ELAVL4: variants seen among roughly 807,000 people sequenced by gnomAD.
ELAVL4 encodes ELAV-like protein 4.
A neutral mutation model predicts 35.6 loss-of-function variants in ELAVL4; 1 was observed. The ratio of observed to expected loss-of-function variants is 0.03; its 90% CI spans 0.01 to 0.13. ELAVL4 has a LOEUF of 0.13. Ranked by LOEUF, ELAVL4 falls within the 10% of genes least tolerant of loss-of-function variation. The probability of loss-of-function intolerance (pLI) is 1.00; values close to 1 mark genes in which losing one functional copy is unlikely to be tolerated. For missense variants in ELAVL4, 267 were observed against 464.9 expected, an observed-to-expected ratio of 0.57 and a Z score of 3.91; for synonymous variants, 156 against 171.0, an observed-to-expected ratio of 0.91 and a Z score of 0.69.
intron 1 of ELAVL4, among the ~76,000 whole-genome samples, chr1:50,084,365 T>C (rs941545272): frequency 2.0e-5 from 3 of 152,194 alleles, no homozygotes; most frequent in Non-Finnish European, 2.9e-5. Context: ...GTTTACAACA[T>C]TCTGTTTTCC....
At chr1:50,082,097 G>C (rs1027272684) in intron 1 of ELAVL4, among the ~76,000 whole-genome samples, 4 of 152,116 alleles carry the variant, frequency 2.6e-5, no homozygotes, top group Non-Finnish European at 5.9e-5. Context: ...CATTTGGGTT[G>C]GTTCCAAGTC....
intron 3 of ELAVL4, among the ~76,000 whole-genome samples, chr1:50,188,669 C>G (rs1003744010): frequency 6.6e-6 from 1 of 152,194 alleles, no homozygotes; most frequent in African/African-American, 2.4e-5. Context: ...GAGCCTGCCC[C>G]CATAAGACTG....
Position 50,162,875 on chromosome 1 carries a change from C to A in ELAVL4, c.251-14214C>A, listed in dbSNP as rs1677046422. Among the ~76,000 whole-genome samples the A allele has an allele frequency of 1.3e-5, 2 of 152,230 alleles. 1 individual carries two copies. The highest frequency in any genetic ancestry group is 4.1e-4 in the South Asian group (2 of 4,832). Reference sequence around the variant, plus strand: ...CCAGGATTACTGGCGTGAGCCACTGCACCCAGCCAGTCCTGTTTTTTTAAA... The same window carrying A: ...CCAGGATTACTGGCGTGAGCCACTGAACCCAGCCAGTCCTGTTTTTTTAAA... On this transcript the variant is annotated intron_variant, in intron 2 of 6. Coordinates refer to ENST00000371824, the MANE Select transcript of ELAVL4 (RefSeq NM_001144774.3).
intron 5 of ELAVL4, 74 bp downstream of exon 5, chr1:50,195,860 T>C: frequency 6.5e-7 from 1 of 1,545,504 alleles, no homozygotes; most frequent in Non-Finnish European, 8.9e-7. Flanking sequence ...AAGCCCATGG[T>C]CCTGACAAAT....
upstream of ELAVL4, among the ~76,000 whole-genome samples, chr1:50,102,816 C>T (rs1666060304): frequency 6.6e-6 from 1 of 152,162 alleles, no homozygotes; most frequent in African/African-American, 2.4e-5. Context: ...TGTGTTTTCA[C>T]ATTGACCCTG....
upstream of ELAVL4, among the ~76,000 whole-genome samples, chr1:50,103,302 T>C (rs865963677): frequency 6.6e-6 from 1 of 152,224 alleles, no homozygotes; most frequent in Admixed American, 6.5e-5. Flanking sequence ...TATCAGGTCA[T>C]ATATCTCACA....
In ELAVL4 at chr1:50,201,183, C is replaced by A; in HGVS notation, c.*5C>A. Reference sequence around the variant, plus strand: ...AACAAAGCCCACAAGTCCTGAATTTCCCATTCTTACTTACTAAAATATATA... The same window carrying A: ...AACAAAGCCCACAAGTCCTGAATTTACCATTCTTACTTACTAAAATATATA... On this transcript the variant is annotated 3_prime_UTR_variant, in exon 7 of 7. Coordinates refer to ENST00000371824, the MANE Select transcript of ELAVL4 (RefSeq NM_001144774.3). The surrounding 1 kb of genome is among the most constrained non-coding windows in gnomAD (Gnocchi z 4.3). 1 of 1,559,016 alleles carries A rather than the reference C, an allele frequency of 6.4e-7. No homozygotes were observed. Among genetic ancestry groups the A allele is most frequent in the South Asian group, 1.2e-5 (1 of 81,034 alleles).
chr1:50,131,948 T>C (rs1670931193), intron 1 of ELAVL4, among the ~76,000 whole-genome samples: 1 of 149,468 alleles, frequency 6.7e-6, no homozygotes, highest in Non-Finnish European at 1.5e-5. Flanking sequence ...CACAGAAAAC[T>C]ATAGATTTGG....
rs913303052 is a variant in ELAVL4, at chr1:50,062,631, G to T, written c.18+14449G>T. 2.6e-5 allele frequency among the ~76,000 whole-genome samples: 4 copies of T among 152,138 alleles called. 1 individual carries two copies. The South Asian group carries it at 8.3e-4, about 32-fold the overall frequency. On this transcript the variant is annotated intron_variant, in intron 1 of 6. Transcript: ENST00000448907. ...AATGAATGAGGAGAATCATTTGTTT[G>T]CTTGGCCTGTAAGATGTGAATAGAA...
Position 50,089,084 on chromosome 1 carries a change from AAAT to A in ELAVL4, c.18+40904_18+40906del, listed in dbSNP as rs1665377663. On this transcript the variant is annotated intron_variant, in intron 1 of 6. Transcript: ENST00000448907. ...CCACCTGAAAGTGAATGAGCTCCTC[AAAT>A]ATTATCCGCCATTCTGCCACACTGC... is the stretch of plus-strand genomic sequence containing the variant. Among the ~76,000 whole-genome samples, 3 of 152,198 alleles carry A rather than the reference AAAT, an allele frequency of 2.0e-5. No individual in the cohort carries two copies. The South Asian group carries it at 6.2e-4, about 31-fold the overall frequency.
At chr1:50,087,845 C>T (rs1665320087) in intron 1 of ELAVL4, among the ~76,000 whole-genome samples, 1 of 152,170 alleles carries the variant, frequency 6.6e-6, no homozygotes, top group Admixed American at 6.5e-5. Context: ...ATGCTGGCAC[C>T]CTTATCTCAG....
At chr1:50,162,106 G>C (rs1327824088) in intron 2 of ELAVL4, among the ~76,000 whole-genome samples, 1 of 152,158 alleles carries the variant, frequency 6.6e-6, no homozygotes, top group East Asian at 1.9e-4. Context: ...GGAATCTGAG[G>C]CCTCCTTGAT....
At chr1:50,074,558 G>A (rs1664677642) in intron 1 of ELAVL4, among the ~76,000 whole-genome samples, 1 of 152,122 alleles carries the variant, frequency 6.6e-6, no homozygotes, top group Admixed American at 6.6e-5. Flanking sequence ...AGGGAAGAAA[G>A]GGACCCAGTC....
At chr1:50,182,951 G>A (rs902421566) in intron 3 of ELAVL4, among the ~76,000 whole-genome samples, 19 of 151,604 alleles carry the variant, frequency 1.3e-4, no homozygotes, top group Admixed American at 1.1e-3. Context: ...TCCACCTCCC[G>A]GGATCAAGCA....
chr1:50,086,528 T>C (rs1665252599), intron 1 of ELAVL4, among the ~76,000 whole-genome samples: 2 of 151,468 alleles, frequency 1.3e-5, no homozygotes, highest in African/African-American at 2.4e-5. Context: ...CCTGGAATAG[T>C]ATGCGGAGGA....
intron 1 of ELAVL4, among the ~76,000 whole-genome samples, chr1:50,131,889 A>G (rs1670918029): frequency 6.6e-6 from 1 of 151,436 alleles, no homozygotes. Flanking sequence ...TTATGTTTAA[A>G]AAAAAAAAAA....
chr1:50,101,173 T>C (rs1269497470), upstream of ELAVL4, among the ~76,000 whole-genome samples: 2 of 152,184 alleles, frequency 1.3e-5, no homozygotes, highest in African/African-American at 4.8e-5. Context: ...GTGGGACTAT[T>C]GATCTTCGTT....
At chr1:50,109,805 G>C in intron 1 of ELAVL4, 2 of 1,048,542 alleles carry the variant, frequency 1.9e-6, no homozygotes, top group Non-Finnish European at 2.9e-6. Flanking sequence ...GCTTGTATGT[G>C]TAGCAGTGCC....
At position 50,169,806 on chromosome 1, in the gene ELAVL4, T is replaced by C. The variant is rs899534802; in HGVS notation, c.251-7283T>C. 2.6e-5 allele frequency among the ~76,000 whole-genome samples: 4 copies of C among 152,316 alleles called. No individual in the cohort carries two copies. The South Asian group carries it at 8.3e-4, about 32-fold the overall frequency. On this transcript the variant is annotated intron_variant, in intron 2 of 6. Coordinates refer to ENST00000371824, the MANE Select transcript of ELAVL4 (RefSeq NM_001144774.3). ...CTACTCTACTCAGTCAGAATCAATTTCAACTTCCTCTCTGTTCTTATATAT... is the reference window on the plus strand; with the variant it reads ...CTACTCTACTCAGTCAGAATCAATTCCAACTTCCTCTCTGTTCTTATATAT...
Sources: gnomAD v4.1 joint callset for allele counts (sites outside exome capture counted in the v4.1 genomes callset) on GRCh38, gnomAD v4.1.1 for gene constraint, Gnocchi (gnomAD v3.1) non-coding constraint, MANE v1.5 for transcripts, NCBI Gene and HGNC (gene_info 2026-07-23, HGNC 2026-07-21) for gene names.